Variants in DENND1B observed in about 807,000 individuals in gnomAD.
DENND1B encodes the protein DENN domain containing 1B, also known as DENN domain-containing protein 1B.
DENND1B carries 59 observed loss-of-function variants against 90.1 expected under a neutral mutation model. The ratio of observed to expected loss-of-function variants is 0.65; its 90% CI spans 0.53 to 0.81. The LOEUF is 0.81. Ranked by LOEUF, DENND1B falls within the 40% of genes least tolerant of loss-of-function variation. The pLI is 0.00. For missense variants in DENND1B, 862 were observed against 912.6 expected (o/e 0.94, Z 0.71); for synonymous variants, 337 against 324.6 (o/e 1.04, Z -0.41).
intron 7 of DENND1B, among the ~76,000 whole-genome samples, chr1:197,647,644 C>T (rs1404190192): frequency 6.6e-6 from 1 of 152,040 alleles, no homozygotes; most frequent in East Asian, 1.9e-4. Context: ...CTGATTTTAT[C>T]AATACTTAAG....
intron 16 of DENND1B, among the ~76,000 whole-genome samples, chr1:197,550,716 G>A (rs1671163882): frequency 6.6e-6 from 1 of 151,536 alleles, no homozygotes; most frequent in Admixed American, 6.6e-5. Flanking sequence ...AATGTTAAGT[G>A]ACGAGTTACT....
chr1:197,613,049 T>C (rs905408933), intron 11 of DENND1B, among the ~76,000 whole-genome samples: 1 of 150,812 alleles, frequency 6.6e-6, no homozygotes, highest in Non-Finnish European at 1.5e-5. Context: ...ATCTTTGTGC[T>C]CTATTATGAC....
At chr1:197,515,471 G>A (rs1668330900) in intron 20 of DENND1B, among the ~76,000 whole-genome samples, 1 of 151,716 alleles carries the variant, frequency 6.6e-6, no homozygotes, top group Non-Finnish European at 1.5e-5. Flanking sequence ...CTGAAGACAA[G>A]CCATTAGTAT....
At chr1:197,773,645 G>T (rs1178490423) in intron 1 of DENND1B, among the ~76,000 whole-genome samples, 3 of 152,228 alleles carry the variant, frequency 2.0e-5, no homozygotes, top group African/African-American at 7.2e-5. Context: ...ACTAGAAACT[G>T]TAAGTTTACT....
At chr1:197,621,059 C>T (rs1163960537) in intron 10 of DENND1B, among the ~76,000 whole-genome samples, 1 of 151,122 alleles carries the variant, frequency 6.6e-6, no homozygotes, top group African/African-American at 2.4e-5. Flanking sequence ...CAGGTGAGAA[C>T]ATGCTTGGCA....
In DENND1B at chr1:197,610,322, A is replaced by G. The variant is rs80156865; in HGVS notation, c.819+1609T>C. On this transcript the variant is annotated intron_variant, in intron 12 of 22. Coordinates refer to ENST00000620048, the MANE Select transcript of DENND1B (RefSeq NM_001195215.2). ...ATTCTTAAATTTGCTACTTAAAAAC[A>G]GTATTGGTTTTATTTATAGGTATCC... Among the ~76,000 whole-genome samples, 890 of 150,822 alleles carry G rather than the reference A, an allele frequency of 5.9e-3. 13 individuals carry two copies. The highest frequency in any genetic ancestry group is 0.02 in the African/African-American group (832 of 41,376).
intron 3 of DENND1B, among the ~76,000 whole-genome samples, chr1:197,679,401 A>C (rs1656424030): frequency 6.6e-6 from 1 of 151,502 alleles, no homozygotes; most frequent in Admixed American, 6.6e-5. Flanking sequence ...ATACTATAAC[A>C]ACTATTAATA....
upstream of DENND1B, among the ~76,000 whole-genome samples, chr1:197,777,582 A>C (rs1387572873): frequency 6.6e-6 from 1 of 152,206 alleles, no homozygotes; most frequent in Non-Finnish European, 1.5e-5. Context: ...TAACTTTAGT[A>C]ATACTCATTT....
intron 20 of DENND1B, among the ~76,000 whole-genome samples, chr1:197,526,527 T>C (rs938322959): frequency 3.3e-5 from 5 of 152,126 alleles, no homozygotes; most frequent in African/African-American, 4.8e-5. Context: ...AATGGTAGTA[T>C]TCACTAGATT....
intron 3 of DENND1B, among the ~76,000 whole-genome samples, chr1:197,714,747 A>C (rs762183621): frequency 5.3e-5 from 8 of 152,124 alleles, no homozygotes; most frequent in Non-Finnish European, 1.2e-4. Context: ...TCAAATATAT[A>C]GTCTATAGAT....
intron 14 of DENND1B, among the ~76,000 whole-genome samples, chr1:197,592,215 T>A (rs1675301255): frequency 6.7e-6 from 1 of 148,948 alleles, no homozygotes; most frequent in African/African-American, 2.5e-5. Flanking sequence ...GATTCAAACC[T>A]AAGCCCCACT....
intron 2 of DENND1B, among the ~76,000 whole-genome samples, chr1:197,737,264 C>T (rs1662787105): frequency 6.6e-6 from 1 of 152,190 alleles, no homozygotes; most frequent in Admixed American, 6.5e-5. Context: ...ACCACCATAG[C>T]CCTATTCCTT....
chr1:197,574,470 C>A (rs1673472286), intron 15 of DENND1B, among the ~76,000 whole-genome samples: 1 of 152,114 alleles, frequency 6.6e-6, no homozygotes, highest in South Asian at 2.1e-4. Flanking sequence ...GAACATTCCA[C>A]ATTCATGGAT....
At chr1:197,739,022 GGT>G (rs1662971029) in intron 2 of DENND1B, among the ~76,000 whole-genome samples, 2 of 152,180 alleles carry the variant, frequency 1.3e-5, no homozygotes, top group South Asian at 4.1e-4. Context: ...AGCTGCAGAA[GGT>G]TCACCACCAA....
At chr1:197,719,215 T>C (rs1488053365) in intron 2 of DENND1B, among the ~76,000 whole-genome samples, 1 of 152,022 alleles carries the variant, frequency 6.6e-6, no homozygotes, top group Non-Finnish European at 1.5e-5. Context: ...TAGAGGAAAG[T>C]AAAGGTAGAC....
chr1:197,773,976 C>A (rs1656938844), intron 1 of DENND1B, among the ~76,000 whole-genome samples: 2 of 152,116 alleles, frequency 1.3e-5, no homozygotes, highest in Non-Finnish European at 2.9e-5. Flanking sequence ...TTTTTGGAAG[C>A]TTTTCTTATA....
chr1:197,690,635 A>G, intron 3 of DENND1B: 1 of 229,348 alleles, frequency 4.4e-6, no homozygotes, highest in Non-Finnish European at 8.7e-6. Flanking sequence ...AGGCTAAATG[A>G]ATATTATCCC....
At chr1:197,570,672 A>T (rs1476281287) in intron 15 of DENND1B, among the ~76,000 whole-genome samples, 1 of 152,186 alleles carries the variant, frequency 6.6e-6, no homozygotes, top group African/African-American at 2.4e-5. Flanking sequence ...TCTTTTGGTC[A>T]TAAAGAGGTT....
intron 13 of DENND1B, 116 bp downstream of exon 13, chr1:197,606,957 C>T (rs1017862637): frequency 2.8e-6 from 2 of 708,870 alleles, no homozygotes; most frequent in Admixed American, 2.7e-5. Context: ...CTCTCACACC[C>T]CATGCAAATA....
Sources: gnomAD v4.1 joint callset for allele counts (sites outside exome capture counted in the v4.1 genomes callset) on GRCh38, gnomAD v4.1.1 for gene constraint, MANE v1.5 for transcripts, NCBI Gene and HGNC (gene_info 2026-07-23, HGNC 2026-07-21) for gene names.